Variants in CLTC observed in about 807,000 individuals in gnomAD.
CLTC encodes the protein clathrin heavy chain 1.
In CLTC, 16 loss-of-function variants were observed where a neutral mutation model predicts 195.8. That is an observed-to-expected ratio of 0.08 (90% CI 0.06 to 0.12). CLTC has a LOEUF of 0.12. Among genes scored for constraint, CLTC ranks in the 10% least tolerant of loss-of-function variants. CLTC has a pLI of 1.00. For missense variants in CLTC, 796 were observed against 2,027.0 expected (o/e 0.39, Z 11.66); for synonymous variants, 667 against 689.4 (o/e 0.97, Z 0.51).
intron 10 of CLTC, among the ~76,000 whole-genome samples, chr17:59,665,536 C>G (rs759276442): frequency 1.1e-4 from 16 of 151,960 alleles, no homozygotes; most frequent in Admixed American, 1.3e-4. Flanking sequence ...TTCTAAAGTT[C>G]ATAAAAATAA....
At position 59,685,288 on chromosome 17, in the gene CLTC, TTATAATC is replaced by T. The variant is rs532415223; in HGVS notation, c.4605+68_4605+74del. 140 of 1,423,366 alleles carry T rather than the reference TTATAATC, an allele frequency of 9.8e-5. No individual in the cohort carries two copies. In the African/African-American group the frequency reaches 1.1e-3, roughly 11 times the overall value. 88.2% of individuals were successfully genotyped at this position (1,423,366 alleles called of 1,614,324 possible). On this transcript the variant is annotated intron_variant, in intron 29 of 31. Transcript: ENST00000269122. This position sits in a 1 kb window ranked among gnomAD's most constrained non-coding sequence, Gnocchi z 5.0. ...AGGCCTAAAATGGTGTTACAAGTGA[TTATAATC>T]TATAAATAAAAGTATTGGTTTTGTG...
chr17:59,643,132 G>GGGGTGTGTGTGTGTGT (rs747258707), intron 1 of CLTC, among the ~76,000 whole-genome samples: 3 of 142,234 alleles, frequency 2.1e-5, no homozygotes, highest in Non-Finnish European at 1.5e-5. Context: ...TCTTTTCTGG[G>GGGGTGTGTGTGTGTGT]GTGTGTGTGT....
rs200845901 is a variant in CLTC at position 59,696,529 on chromosome 17, T to A, written c.*2677T>A. The A allele has an allele frequency of 1.1e-5, 1 of 92,266 alleles. No individual in the cohort carries two copies. Among genetic ancestry groups the A allele is most frequent in the South Asian group, 5.0e-4 (1 of 2,004 alleles). 5.7% of individuals were successfully genotyped at this position (92,266 alleles called of 1,614,324 possible). A position where few individuals can be genotyped will look rare whatever the true frequency, so the allele number is the denominator to read the frequency against. ...GTATCCTCCTAAAAGAAGGCTTAAA[T>A]AGTTTCTAACAAGATGACTATCAGG... is the stretch of plus-strand genomic sequence containing the variant. On this transcript the variant is annotated 3_prime_UTR_variant, in exon 32 of 32. Transcript: ENST00000269122.
At chr17:59,692,058 C>T (rs1056799548) in intron 31 of CLTC, among the ~76,000 whole-genome samples, 37 of 152,184 alleles carry the variant, frequency 2.4e-4, no homozygotes, top group African/African-American at 8.4e-4. Context: ...GTGGCTCACG[C>T]CTGTAATCCC....
At chr17:59,620,305 G>A in intron 1 of CLTC, 132 bp downstream of exon 1, 1 of 832,554 alleles carries the variant, frequency 1.2e-6, no homozygotes, top group South Asian at 1.4e-5. Flanking sequence ...GTAGGTGGAG[G>A]AGGGGGCACT....
chr17:59,679,592 CTCA>C (rs2033040315), intron 18 of CLTC, 73 bp downstream of exon 18: 1 of 1,377,428 alleles, frequency 7.3e-7, no homozygotes, highest in South Asian at 1.7e-5. Context: ...AATCCTTTCC[CTCA>C]TCATGTACTC....
At chr17:59,660,618 G>A in intron 7 of CLTC, 30 bp downstream of exon 7, 2 of 1,592,226 alleles carry the variant, frequency 1.3e-6, no homozygotes, top group Non-Finnish European at 1.7e-6. Context: ...AAGTTGTCAT[G>A]ACATTAATCC....
At chr17:59,650,784 A>C (rs181282918) in intron 4 of CLTC, among the ~76,000 whole-genome samples, 1 of 152,268 alleles carries the variant, frequency 6.6e-6, no homozygotes, top group African/African-American at 2.4e-5. Flanking sequence ...CATTGGTACA[A>C]TTGTATAATT....
At chr17:59,633,430 T>C (rs1206390098) in intron 1 of CLTC, among the ~76,000 whole-genome samples, 1 of 151,690 alleles carries the variant, frequency 6.6e-6, no homozygotes, top group African/African-American at 2.4e-5. Flanking sequence ...GAGGCAGAGG[T>C]TGTGGTGAGC....
At chr17:59,652,963 G>A (rs1301909260) in intron 5 of CLTC, among the ~76,000 whole-genome samples, 1 of 152,038 alleles carries the variant, frequency 6.6e-6, no homozygotes, top group Admixed American at 6.5e-5. Flanking sequence ...ATCAGTACTT[G>A]GTTTTTCACC....
At chr17:59,676,021 C>T (rs540846489) in intron 16 of CLTC, among the ~76,000 whole-genome samples, 1 of 152,256 alleles carries the variant, frequency 6.6e-6, no homozygotes, top group East Asian at 1.9e-4. Flanking sequence ...TTTTCTCTGG[C>T]TGCTTTTAAT....
rs2032254384 is a variant in CLTC, at chr17:59,648,659, A to G, written c.681+258A>G. ...ACATTTATATGCTGTACATCTAGAG[A>G]GTTTGATTTAGTAGGTGTTGCCTAT... is the stretch of plus-strand genomic sequence containing the variant. On this transcript the variant is annotated intron_variant, in intron 4 of 31. Transcript: ENST00000269122. The surrounding 1 kb of genome is among the most constrained non-coding windows in gnomAD (Gnocchi z 4.5). 1 of 327,510 alleles carries G rather than the reference A, an allele frequency of 3.1e-6. No individual in the cohort carries two copies. The highest frequency in any genetic ancestry group is 2.1e-5 in the African/African-American group (1 of 47,080). 20.3% of individuals were successfully genotyped at this position (327,510 alleles called of 1,614,324 possible).
At chr17:59,650,289 G>A (rs1353758831) in intron 4 of CLTC, among the ~76,000 whole-genome samples, 1 of 152,112 alleles carries the variant, frequency 6.6e-6, no homozygotes, top group Non-Finnish European at 1.5e-5. Flanking sequence ...CTCAAATTAG[G>A]TATATACATT....
chr17:59,660,708 G>A, intron 7 of CLTC, 120 bp downstream of exon 7: 1 of 975,930 alleles, frequency 1.0e-6, no homozygotes, highest in Non-Finnish European at 1.5e-6. Context: ...TTACATTTGG[G>A]TTACATTTTC....
intron 6 of CLTC, among the ~76,000 whole-genome samples, chr17:59,659,413 ATAT>A (rs976871835): frequency 8.6e-5 from 13 of 150,374 alleles, no homozygotes; most frequent in Non-Finnish European, 1.8e-4. Flanking sequence ...GCCTTTACTG[ATAT>A]TATTATTATT....
At position 59,693,775 on chromosome 17, in the gene CLTC, C is replaced by A. The variant is rs771441431; in HGVS notation, c.4951C>A (p.Pro1651Thr). 4 of 1,613,758 alleles carry A rather than the reference C, an allele frequency of 2.5e-6. No homozygotes were observed. In the African/African-American group the frequency reaches 4.0e-5, roughly 16 times the overall value. ...AGCAGGACCCAGTGTTGCCGTCCCT[C>A]CCCAGGCACCTTTTGGTTATGGTTA... ...LTAGPSVAVP[P>T]QAPFGYGYTA... The change falls in exon 32 of 32, where the codon CCC becomes ACC. Residue 1651 changes from proline to threonine, a missense_variant. By Grantham distance (38) the Pro-to-Thr change is conservative (BLOSUM62 -1). This residue lies in a region of CLTC where 148 missense variants were observed against 279.5 expected (regional missense o/e 0.53). Coordinates refer to ENST00000269122, the MANE Select transcript of CLTC (RefSeq NM_004859.4).
intron 13 of CLTC, 27 bp from the exon 14 acceptor site, chr17:59,668,750 T>A: frequency 6.4e-7 from 1 of 1,568,846 alleles, no homozygotes; most frequent in Non-Finnish European, 8.6e-7. Flanking sequence ...GTGCCTATGC[T>A]TAATTGTAAT....
At position 59,620,186 on chromosome 17, in the gene CLTC, C is replaced by T. The variant is rs369041540; in HGVS notation, c.42+13C>T. 3 of 1,613,794 alleles carry T rather than the reference C, an allele frequency of 1.9e-6. No homozygotes were observed. The South Asian group carries it at 3.3e-5, about 18-fold the overall frequency. On this transcript the variant is annotated intron_variant, in intron 1 of 31. Coordinates refer to ENST00000269122, the MANE Select transcript of CLTC (RefSeq NM_004859.4). The stretch of plus-strand genomic sequence containing the variant: ...GGAGCATCTCCAGGTGCGGCCGGGC[C>T]CGGGCTGGTGAGGGCTGTGGAGAAG...
chr17:59,644,559 T>TTTGC lies in CLTC; in HGVS notation c.250+79_250+80insCTTG, dbSNP rs2032137968. The TTTGC allele has an allele frequency of 6.2e-6, 8 of 1,284,898 alleles. No individual in the cohort carries two copies. In the Admixed American group the frequency reaches 8.2e-5, roughly 13 times the overall value. 79.6% of individuals were successfully genotyped at this position (1,284,898 alleles called of 1,614,324 possible). ...TTTTTGTTTTTTTTTTGTTTGTTTG[T>TTTGC]TTGTTTTTGAGACGGAGTTTTACTC... On this transcript the variant is annotated intron_variant, in intron 2 of 31. Coordinates refer to ENST00000269122, the MANE Select transcript of CLTC (RefSeq NM_004859.4).
Sources: gnomAD v4.1 joint callset for allele counts (sites outside exome capture counted in the v4.1 genomes callset) on GRCh38, gnomAD v4.1.1 for gene constraint, gnomAD v4.1.1 regional missense constraint, Gnocchi (gnomAD v3.1) non-coding constraint, MANE v1.5 for transcripts, NCBI Gene and HGNC (gene_info 2026-07-23, HGNC 2026-07-21) for gene names.